The following DOCK9 variants were observed in gnomAD, a reference collection of about 807,000 sequenced individuals.
DOCK9 encodes the protein dedicator of cytokinesis protein 9.
In DOCK9, 89 loss-of-function variants were observed where a neutral mutation model predicts 263.3. That is an observed-to-expected ratio of 0.34 (90% CI 0.28 to 0.40). The LOEUF (loss-of-function observed/expected upper bound fraction) is 0.40. Ranked by LOEUF, DOCK9 falls within the 10% of genes least tolerant of loss-of-function variation. DOCK9 has a pLI of 1.00. For synonymous variants in DOCK9, 976 were observed against 973.1 expected, an observed-to-expected ratio of 1.00 and a Z score of -0.06; for missense variants, 2,140 against 2,603.4, an observed-to-expected ratio of 0.82 and a Z score of 3.87.
intron 2 of DOCK9, among the ~76,000 whole-genome samples, chr13:98,945,532 ACT>A (rs2056591807): frequency 6.6e-6 from 1 of 151,466 alleles, no homozygotes; most frequent in Non-Finnish European, 1.5e-5. Flanking sequence ...ACCTCCAAAG[ACT>A]CTCCAGCCTT....
chr13:98,975,069 G>A (rs1298430876), intron 1 of DOCK9, among the ~76,000 whole-genome samples: 1 of 152,176 alleles, frequency 6.6e-6, no homozygotes, highest in Admixed American at 6.5e-5. Context: ...CCTAAAATGA[G>A]ATAATATGCA....
chr13:99,084,917 G>C (rs544701390), intron 1 of DOCK9, among the ~76,000 whole-genome samples: 1 of 152,320 alleles, frequency 6.6e-6, no homozygotes, highest in South Asian at 2.1e-4. Context: ...CCAGGTTCTG[G>C]TCTATTCCCA....
chr13:98,895,597 G>A (rs1194513514), intron 15 of DOCK9, among the ~76,000 whole-genome samples: 31 of 151,722 alleles, frequency 2.0e-4, no homozygotes, highest in African/African-American at 6.8e-4. Flanking sequence ...CTCGGGAGGC[G>A]GAGGTTGCAG....
chr13:98,897,395 A>C, intron 15 of DOCK9, 93 bp downstream of exon 15: 1 of 1,515,054 alleles, frequency 6.6e-7, no homozygotes, highest in Non-Finnish European at 8.9e-7. Flanking sequence ...CTGATGTCTA[A>C]ATCGAGCAAC....
intron 1 of DOCK9, among the ~76,000 whole-genome samples, chr13:99,030,149 A>T (rs1660940690): frequency 6.6e-6 from 1 of 152,242 alleles, no homozygotes; most frequent in Admixed American, 6.5e-5. Context: ...ACTTCTTTCA[A>T]GAGTAATTGA....
chr13:99,056,197 T>C (rs1356753329), intron 1 of DOCK9, among the ~76,000 whole-genome samples: 6 of 152,222 alleles, frequency 3.9e-5, no homozygotes, highest in African/African-American at 7.2e-5. Context: ...AGAATATATA[T>C]GTAAAAAATA....
chr13:98,966,023 A>G (rs2059154798), intron 1 of DOCK9, among the ~76,000 whole-genome samples: 1 of 152,260 alleles, frequency 6.6e-6, no homozygotes, highest in Admixed American at 6.5e-5. Context: ...GATAATGGAA[A>G]TGGAAATAAT....
At chr13:98,956,761 A>T (rs765923109) in intron 1 of DOCK9, among the ~76,000 whole-genome samples, 4 of 151,516 alleles carry the variant, frequency 2.6e-5, no homozygotes, top group Non-Finnish European at 4.4e-5. Context: ...AACAAAAATT[A>T]AAAAAAAAGT....
At chr13:98,886,479 A>C in intron 19 of DOCK9, 53 bp downstream of exon 19, 2 of 1,518,756 alleles carry the variant, frequency 1.3e-6, no homozygotes, top group Middle Eastern at 1.7e-4. Context: ...AAATACATTA[A>C]AGTTTCCCTT....
At chr13:98,866,993 G>A (rs2094045503) in intron 30 of DOCK9, 2 of 380,370 alleles carry the variant, frequency 5.3e-6, no homozygotes, top group Admixed American at 8.4e-5. Context: ...AAGCAGTTCA[G>A]CCATCACTTG....
intron 18 of DOCK9, 104 bp from the exon 19 acceptor site, chr13:98,886,728 C>A (rs762423383): frequency 9.6e-7 from 1 of 1,038,094 alleles, no homozygotes; most frequent in Non-Finnish European, 1.4e-6. Context: ...ATAGACTTAG[C>A]ATCGCCACCT....
rs1214219664 is a variant in DOCK9, at chr13:98,835,557, T to C, written c.4314+1937A>G. Among the ~76,000 whole-genome samples the C allele has an allele frequency of 2.0e-5, 3 of 152,144 alleles. No homozygotes were observed. In the East Asian group the frequency reaches 5.8e-4, roughly 29 times the overall value. ...CTTAGCTCTAGAAGCTCAATCTTCC[T>C]TGGGTGTCTCAGGGATCAGGCCCTT... On this transcript the variant is annotated intron_variant, in intron 39 of 52. Coordinates refer to ENST00000682017, the MANE Select transcript of DOCK9 (RefSeq NM_001366683.2).
chr13:98,903,702 C>CA (rs1421893944), intron 10 of DOCK9, among the ~76,000 whole-genome samples: 1 of 148,030 alleles, frequency 6.8e-6, no homozygotes, highest in Admixed American at 6.7e-5. Context: ...TGATCATGAA[C>CA]AACAAAACCA....
At chr13:98,915,632 C>G in intron 7 of DOCK9, 129 bp from the exon 8 acceptor site, 1 of 836,452 alleles carries the variant, frequency 1.2e-6, no homozygotes, top group Non-Finnish European at 1.7e-6. Context: ...ATAGCTTGCC[C>G]CCTCCTCATG....
chr13:98,908,869 A>G (rs2049539925), intron 9 of DOCK9, among the ~76,000 whole-genome samples: 1 of 152,244 alleles, frequency 6.6e-6, no homozygotes, highest in Non-Finnish European at 1.5e-5. Flanking sequence ...TTTAGTAAAG[A>G]TAATAAAATA....
rs141675010 is a variant in DOCK9 at position 99,060,466 on chromosome 13, G to A, written c.129+25757C>T. On this transcript the variant is annotated intron_variant, in intron 1 of 32. Transcript: ENST00000427887. ...ATGTGAACATATTTTCAATTCTTTT[G>A]GATATATAACTAGGAGTGGAACTGC... is the stretch of plus-strand genomic sequence containing the variant. Among the ~76,000 whole-genome samples, 643 of 152,118 alleles carry A rather than the reference G, an allele frequency of 4.2e-3. 3 individuals are homozygous for A. Among genetic ancestry groups the A allele is most frequent in the African/African-American group, 0.015 (602 of 41,476 alleles).
chr13:98,917,237 C>CA (rs974544071), intron 7 of DOCK9, among the ~76,000 whole-genome samples: 2 of 152,168 alleles, frequency 1.3e-5, no homozygotes, highest in African/African-American at 2.4e-5. Flanking sequence ...TCTTATAAAA[C>CA]AAAAATAATT....
At chr13:98,992,727 G>A (rs4454824) in intron 1 of DOCK9, among the ~76,000 whole-genome samples, 79,467 of 151,908 alleles carry the variant, frequency 0.52, 21,061 homozygotes, top group South Asian at 0.68. Flanking sequence ...ATGTGGAACT[G>A]TGAGTCCATT....
At chr13:98,800,562 T>A (rs149200024) in intron 49 of DOCK9, 84 bp from the exon 50 acceptor site, 20 of 1,443,606 alleles carry the variant, frequency 1.4e-5, no homozygotes, top group Admixed American at 4.5e-5. Context: ...AAGTGATTAT[T>A]ATACATGTCA....
Sources: allele counts gnomAD v4.1 joint callset (sites outside exome capture counted in the v4.1 genomes callset), GRCh38; gene constraint gnomAD v4.1.1; transcripts MANE v1.5; gene names NCBI Gene and HGNC (gene_info 2026-07-23, HGNC 2026-07-21).